TNIP1: variants seen among roughly 807,000 people sequenced by gnomAD.
The protein encoded by TNIP1 is TNFAIP3-interacting protein 1.
In TNIP1, 22 loss-of-function variants were observed where a neutral mutation model predicts 86.6. That is an observed-to-expected ratio of 0.25 (90% CI 0.18 to 0.36). The LOEUF (loss-of-function observed/expected upper bound fraction) is 0.36, where lower values mean the gene tolerates loss of function less well. Among genes scored for constraint, TNIP1 ranks in the 10% least tolerant of loss-of-function variants. The pLI is 1.00. For synonymous variants in TNIP1, 294 were observed against 313.0 expected, an observed-to-expected ratio of 0.94 and a Z score of 0.64; for missense variants, 709 against 820.6, an observed-to-expected ratio of 0.86 and a Z score of 1.66.
chr5:151,042,869 T>C, intron 10 of TNIP1, 27 bp downstream of exon 10: 1 of 1,612,962 alleles, frequency 6.2e-7, no homozygotes, highest in Non-Finnish European at 8.5e-7. Flanking sequence ...GCATGCCCTG[T>C]GGGCGTGGCC....
intron 14 of TNIP1, 99 bp downstream of exon 14, chr5:151,035,483 G>T (rs995027838): frequency 1.3e-6 from 2 of 1,555,542 alleles, no homozygotes; most frequent in Admixed American, 1.7e-5. Context: ...GAGAAGCAGT[G>T]AGGGTCCTGA....
Position 151,035,716 on chromosome 5 carries a change from G to C in TNIP1, c.1396-9C>G. The C allele has an allele frequency of 1.9e-6, 3 of 1,613,832 alleles. No homozygotes were observed. The highest frequency in any genetic ancestry group is 2.2e-5 in the South Asian group (2 of 91,084). On this transcript the variant is annotated splice_polypyrimidine_tract_variant and intron_variant, in intron 13 of 17. Transcript: ENST00000521591. Reference sequence around the variant, plus strand: ...TCCTCGAAGATCTTCACCTGGTGTGGAGGGAGGGTGAAGAGAGGGAGGGGG... The same window carrying C: ...TCCTCGAAGATCTTCACCTGGTGTGCAGGGAGGGTGAAGAGAGGGAGGGGG...
chr5:151,049,650 C>T (rs1172795037), intron 8 of TNIP1, among the ~76,000 whole-genome samples, 174 bp downstream of exon 8: 3 of 152,160 alleles, frequency 2.0e-5, no homozygotes, highest in Non-Finnish European at 2.9e-5. Context: ...TGACTACCAG[C>T]AGCCTCTAAG....
intron 1 of TNIP1, among the ~76,000 whole-genome samples, chr5:151,068,970 G>C (rs993454195): frequency 6.6e-6 from 1 of 152,248 alleles, no homozygotes; most frequent in African/African-American, 2.4e-5. Context: ...CTCAGCCAGC[G>C]GGGCCTCCAC....
intron 6 of TNIP1, among the ~76,000 whole-genome samples, chr5:151,055,805 G>T (rs1002923638): frequency 1.3e-5 from 2 of 152,226 alleles, no homozygotes; most frequent in African/African-American, 4.8e-5. Context: ...GGAGTAAGGA[G>T]GCTTCAAGTC....
chr5:151,043,094 T>A (rs752101479), intron 9 of TNIP1, 133 bp from the exon 10 acceptor site: 3 of 885,044 alleles, frequency 3.4e-6, no homozygotes, highest in Non-Finnish European at 5.5e-6. Flanking sequence ...ACTGTCTCCA[T>A]CCCTCAGCTC....
chr5:151,048,339 C>A (rs1759453684), intron 8 of TNIP1, among the ~76,000 whole-genome samples: 1 of 152,166 alleles, frequency 6.6e-6, no homozygotes, highest in Non-Finnish European at 1.5e-5. Context: ...GACGCTAAAC[C>A]TACTTTACAA....
chr5:151,040,243 G>A (rs1012117803), intron 11 of TNIP1, among the ~76,000 whole-genome samples: 4 of 152,238 alleles, frequency 2.6e-5, no homozygotes, highest in Admixed American at 2.0e-4. Context: ...TCCCTCTAGG[G>A]AGGGCCTGGG....
At chr5:151,073,900 TA>T (rs918248530) in intron 1 of TNIP1, among the ~76,000 whole-genome samples, 3 of 151,460 alleles carry the variant, frequency 2.0e-5, no homozygotes, top group Admixed American at 6.6e-5. Flanking sequence ...CTCTGTCTCT[TA>T]AAAAAAAGAA....
chr5:151,031,915 C>G, intron 17 of TNIP1: 1 of 182,734 alleles, frequency 5.5e-6, no homozygotes, highest in South Asian at 1.3e-4. Flanking sequence ...GCTATCTGCT[C>G]CCACAGAAAC....
chr5:151,040,695 C>T (rs1044924494), intron 11 of TNIP1, among the ~76,000 whole-genome samples: 1 of 152,200 alleles, frequency 6.6e-6, no homozygotes, highest in Admixed American at 6.5e-5. Context: ...CTCCCTACCA[C>T]ACCTCCAAGG....
rs867431928 is a variant in TNIP1 at position 151,033,164 on chromosome 5, A to G, written c.1779+444T>C. On this transcript the variant is annotated intron_variant, in intron 16 of 17. Coordinates refer to ENST00000521591, the MANE Select transcript of TNIP1 (RefSeq NM_006058.5). ...AAAAAAAGGAAAAGAAAATAAAAAAAGAGAGGAGAGAAGAAGAGGAGGGGA... is the reference window on the plus strand; with the variant it reads ...AAAAAAAGGAAAAGAAAATAAAAAAGGAGAGGAGAGAAGAAGAGGAGGGGA... Among the ~76,000 whole-genome samples the G allele has an allele frequency of 8.8e-3, 1,268 of 143,734 alleles. 21 individuals are homozygous for G. Among genetic ancestry groups the G allele is most frequent in the African/African-American group, 0.031 (1,212 of 39,314 alleles). 94.3% of individuals were successfully genotyped at this position (143,734 alleles called of 152,430 possible). A position where few individuals can be genotyped will look rare whatever the true frequency, so the allele number is the denominator to read the frequency against.
chr5:151,068,811 TCTC>T (rs951412501), intron 1 of TNIP1, among the ~76,000 whole-genome samples: 7 of 130,710 alleles, frequency 5.4e-5, no homozygotes, highest in African/African-American at 2.6e-4. Context: ...CACCACATCT[TCTC>T]AGAGTCTCTT....
chr5:151,059,872 C>CGT (rs1561514090), intron 5 of TNIP1, among the ~76,000 whole-genome samples: 1 of 90,160 alleles, frequency 1.1e-5, no homozygotes, highest in African/African-American at 4.4e-5. Flanking sequence ...TGTGTGCGCG[C>CGT]GCGCGCGCGC....
In TNIP1 at chr5:151,045,780, A is replaced by G. The variant is rs566942864; in HGVS notation, c.936+81T>C. The G allele has an allele frequency of 7.7e-6, 11 of 1,431,070 alleles. No homozygotes were observed. The Admixed American group carries it at 1.7e-4, about 22-fold the overall frequency. 88.6% of individuals were successfully genotyped at this position (1,431,070 alleles called of 1,614,324 possible). On this transcript the variant is annotated intron_variant, in intron 9 of 17. Coordinates refer to ENST00000521591, the MANE Select transcript of TNIP1 (RefSeq NM_006058.5). Reference sequence around the variant, plus strand: ...TGGTGACCTGGGACCTGCCAGAGCCAGGAGGCCAGGGCAAGCCTTTGTGCT... The same window carrying G: ...TGGTGACCTGGGACCTGCCAGAGCCGGGAGGCCAGGGCAAGCCTTTGTGCT...
chr5:151,078,081 C>T (rs189176008), intron 1 of TNIP1, among the ~76,000 whole-genome samples: 38 of 152,282 alleles, frequency 2.5e-4, no homozygotes, highest in Admixed American at 4.6e-4. Flanking sequence ...TATGCCAATC[C>T]GACTCATTTG....
At chr5:151,061,480 AT>A (rs5872187) in intron 4 of TNIP1, among the ~76,000 whole-genome samples, 445 of 145,974 alleles carry the variant, frequency 3.0e-3, no homozygotes, top group East Asian at 5.0e-3. Context: ...AAATCTGTAG[AT>A]TTTTTTTTTT....
At chr5:151,048,877 C>T (rs1759527957) in intron 8 of TNIP1, among the ~76,000 whole-genome samples, 1 of 152,198 alleles carries the variant, frequency 6.6e-6, no homozygotes, top group Admixed American at 6.5e-5. Context: ...CCTGGCCGTA[C>T]CCTACATCTG....
upstream of TNIP1, chr5:151,087,267 C>CTTG (rs1561556536): frequency 3.3e-5 from 5 of 152,490 alleles, no homozygotes; most frequent in Admixed American, 1.3e-4. Context: ...CAGCTGAGGC[C>CTTG]CCATCCTGCC....
Sources: gnomAD v4.1 joint callset for allele counts (sites outside exome capture counted in the v4.1 genomes callset) on GRCh38, gnomAD v4.1.1 for gene constraint, MANE v1.5 for transcripts, NCBI Gene and HGNC (gene_info 2026-07-23, HGNC 2026-07-21) for gene names.